The following SLC24A3 variants were observed in gnomAD, a reference collection of about 807,000 sequenced individuals.
SLC24A3 encodes the protein sodium/potassium/calcium exchanger 3.
In SLC24A3, 28 loss-of-function variants were observed where a neutral mutation model predicts 75.8. The ratio of observed to expected loss-of-function variants is 0.37; its 90% CI spans 0.27 to 0.51. The LOEUF (loss-of-function observed/expected upper bound fraction) is 0.51. Among genes scored for constraint, SLC24A3 ranks in the 20% least tolerant of loss-of-function variants. SLC24A3 has a pLI of 0.94. For missense variants in SLC24A3, 663 were observed against 847.8 expected (o/e 0.78, Z 2.71); for synonymous variants, 372 against 334.1 (o/e 1.11, Z -1.24).
At chr20:19,320,668 C>G (rs556500352) in intron 2 of SLC24A3, among the ~76,000 whole-genome samples, 1 of 152,254 alleles carries the variant, frequency 6.6e-6, no homozygotes, top group African/African-American at 2.4e-5. Context: ...GGACCCCTCA[C>G]AGTTGCCAAA....
At chr20:19,600,302 A>G (rs1366534663) in intron 6 of SLC24A3, among the ~76,000 whole-genome samples, 2 of 152,112 alleles carry the variant, frequency 1.3e-5, no homozygotes, top group East Asian at 1.9e-4. Flanking sequence ...CAGAACACCT[A>G]CTAAGAGTCA....
intron 2 of SLC24A3, among the ~76,000 whole-genome samples, chr20:19,447,307 TG>T (rs1335587286): frequency 3.3e-5 from 5 of 151,968 alleles, no homozygotes; most frequent in African/African-American, 1.2e-4. Flanking sequence ...GCAGGCTCAG[TG>T]GTGAGGGACG....
At chr20:19,338,316 G>T (rs539204908) in intron 2 of SLC24A3, among the ~76,000 whole-genome samples, 39 of 152,198 alleles carry the variant, frequency 2.6e-4, no homozygotes, top group South Asian at 1.0e-3. Context: ...GTGTGACAGG[G>T]TCAGCAAACC....
At chr20:19,435,169 C>CAG (rs761748853) in intron 2 of SLC24A3, among the ~76,000 whole-genome samples, 6 of 152,138 alleles carry the variant, frequency 3.9e-5, no homozygotes, top group Non-Finnish European at 8.8e-5. Context: ...AAGGCAAGGC[C>CAG]AGGTTTAAAT....
intron 2 of SLC24A3, among the ~76,000 whole-genome samples, chr20:19,305,788 C>G (rs564017586): frequency 9.2e-5 from 14 of 152,014 alleles, no homozygotes; most frequent in South Asian, 2.1e-4. Context: ...AGAAGAAAAC[C>G]TAGGAAATAT....
chr20:19,586,197 G>A (rs542305357), intron 6 of SLC24A3, among the ~76,000 whole-genome samples: 1 of 152,242 alleles, frequency 6.6e-6, no homozygotes, highest in African/African-American at 2.4e-5. Context: ...TGCGTGGGAG[G>A]CTCTGGGCGA....
chr20:19,430,274 A>C (rs73900111), intron 2 of SLC24A3, among the ~76,000 whole-genome samples: 2,185 of 152,282 alleles, frequency 0.014, 45 homozygotes, highest in African/African-American at 0.05. Flanking sequence ...GGGCTCACTG[A>C]AGACAGACAA....
intron 2 of SLC24A3, among the ~76,000 whole-genome samples, chr20:19,319,809 A>G (rs1198513776): frequency 6.6e-6 from 1 of 152,130 alleles, no homozygotes; most frequent in Non-Finnish European, 1.5e-5. Context: ...GCATCTTGGT[A>G]TTTTAACAGC....
intron 2 of SLC24A3, among the ~76,000 whole-genome samples, chr20:19,486,473 A>G (rs1231885303): frequency 6.6e-6 from 1 of 152,234 alleles, no homozygotes; most frequent in Non-Finnish European, 1.5e-5. Context: ...TTTCCGAAAG[A>G]AAGTATCTGC....
intron 2 of SLC24A3, among the ~76,000 whole-genome samples, chr20:19,388,829 A>G (rs1986317981): frequency 6.6e-6 from 1 of 152,126 alleles, no homozygotes; most frequent in East Asian, 1.9e-4. Context: ...TTTTTAATCC[A>G]TTCAGTCTTT....
At chr20:19,322,715 GA>G (rs1984742016) in intron 2 of SLC24A3, among the ~76,000 whole-genome samples, 1 of 152,134 alleles carries the variant, frequency 6.6e-6, no homozygotes, top group African/African-American at 2.4e-5. Flanking sequence ...GCACACACAG[GA>G]GATGCAATTT....
chr20:19,289,029 C>T (rs1333891842), intron 2 of SLC24A3, among the ~76,000 whole-genome samples: 1 of 152,148 alleles, frequency 6.6e-6, no homozygotes, highest in Non-Finnish European at 1.5e-5. Flanking sequence ...ACAGTTGCCT[C>T]ATGTGCTCTG....
chr20:19,560,398 G>A lies in SLC24A3; in HGVS notation c.349-19602G>A, dbSNP rs541827383. On this transcript the variant is annotated intron_variant, in intron 3 of 16. Transcript: ENST00000328041. ...AACCCGGGCACTTTCAGGGTGCTCCGCACATGGGCTGAGAAAAGTTCTCTA... is the reference window on the plus strand; with the variant it reads ...AACCCGGGCACTTTCAGGGTGCTCCACACATGGGCTGAGAAAAGTTCTCTA... Among the ~76,000 whole-genome samples, 6 of 152,300 alleles carry A rather than the reference G, an allele frequency of 3.9e-5. No individual in the cohort carries two copies. The East Asian group carries it at 7.7e-4, about 20-fold the overall frequency.
chr20:19,386,067 C>T (rs1044013652), intron 2 of SLC24A3, among the ~76,000 whole-genome samples: 1 of 152,146 alleles, frequency 6.6e-6, no homozygotes, highest in African/African-American at 2.4e-5. Context: ...GATATCTTTC[C>T]ATTTATGTGT....
In SLC24A3 at chr20:19,648,101, G is replaced by A. The variant is rs79710771; in HGVS notation, c.613-5961G>A. Among the ~76,000 whole-genome samples the A allele has an allele frequency of 5.6e-4, 85 of 152,126 alleles. 1 individual carries two copies. The highest frequency in any genetic ancestry group is 3.3e-3 in the East Asian group (17 of 5,182). On this transcript the variant is annotated intron_variant, in intron 6 of 16. Transcript: ENST00000328041. ...CATTTGTATTTCAGTGATTTTTCCC[G>A]GCATAGAAGTTTTTTAAAAGTGTAC...
intron 2 of SLC24A3, among the ~76,000 whole-genome samples, chr20:19,450,935 G>T (rs912997664): frequency 6.6e-6 from 1 of 152,178 alleles, no homozygotes; most frequent in African/African-American, 2.4e-5. Flanking sequence ...GGAAGTGGAA[G>T]TTTGCAGTGA....
At chr20:19,566,808 C>T (rs1181612651) in intron 3 of SLC24A3, among the ~76,000 whole-genome samples, 1 of 152,200 alleles carries the variant, frequency 6.6e-6, no homozygotes, top group Non-Finnish European at 1.5e-5. Flanking sequence ...TCATGCTTGG[C>T]AGCAGGGCTT....
At position 19,427,865 on chromosome 20, in the gene SLC24A3, TTA is replaced by T. The variant is rs1360906713; in HGVS notation, c.272-87621_272-87620del. 5.3e-5 allele frequency among the ~76,000 whole-genome samples: 8 copies of T among 152,226 alleles called. No individual in the cohort carries two copies. The East Asian group carries it at 7.7e-4, about 15-fold the overall frequency. On this transcript the variant is annotated intron_variant, in intron 2 of 16. Coordinates refer to ENST00000328041, the MANE Select transcript of SLC24A3 (RefSeq NM_020689.4). ...AGGCTCTTCATTTCCAGAGGATAGTTTATGTTTCGCTCTGTGTATTCATGCAC... is the reference window on the plus strand; with the variant it reads ...AGGCTCTTCATTTCCAGAGGATAGTTTGTTTCGCTCTGTGTATTCATGCAC...
chr20:19,496,048 T>C (rs1300968992), intron 2 of SLC24A3, among the ~76,000 whole-genome samples: 2 of 152,100 alleles, frequency 1.3e-5, no homozygotes. Context: ...GAGAAGACAC[T>C]CTCCCTGCCG....
Sources: allele counts gnomAD v4.1 joint callset (sites outside exome capture counted in the v4.1 genomes callset), GRCh38; gene constraint gnomAD v4.1.1; transcripts MANE v1.5; gene names NCBI Gene and HGNC (gene_info 2026-07-23, HGNC 2026-07-21).